The following PCDHGA7 variants were observed in gnomAD, a reference collection of about 807,000 sequenced individuals.
The protein encoded by PCDHGA7 is protocadherin gamma subfamily A, 7, also known as protocadherin gamma-A7.
A neutral mutation model predicts 58.3 loss-of-function variants in PCDHGA7; 44 were observed. The observed-to-expected ratio is 0.75, with a 90% confidence interval of 0.59 to 0.97. The LOEUF (loss-of-function observed/expected upper bound fraction) is 0.97, where lower values mean the gene tolerates loss of function less well. Among genes scored for constraint, PCDHGA7 ranks in the 50% least tolerant of loss-of-function variants. The pLI, the probability that PCDHGA7 is intolerant of heterozygous loss-of-function variation, is 0.00. For synonymous variants in PCDHGA7, 516 were observed against 504.2 expected (o/e 1.02, Z -0.31); for missense variants, 1,266 against 1,188.7 (o/e 1.06, Z -0.96).
rs756361613 is a variant in PCDHGA7 at position 141,392,855 on chromosome 5, C to G, written c.2424+7532C>G. 3.1e-6 allele frequency: 5 copies of G among 1,612,176 alleles called. No individual in the cohort carries two copies. The highest frequency in any genetic ancestry group is 3.3e-4 in the Middle Eastern group (2 of 6,050). Reference sequence around the variant, plus strand: ...GTCGCCCCAGACGCGGCGAGCTGATCCTGCTGTGCGCGCTGCTGGGAACGC... The same window carrying G: ...GTCGCCCCAGACGCGGCGAGCTGATGCTGCTGTGCGCGCTGCTGGGAACGC... On this transcript the variant is annotated intron_variant, in intron 1 of 3. Coordinates refer to ENST00000518325, the MANE Select transcript of PCDHGA7 (RefSeq NM_018920.4).
At chr5:141,472,980 C>CAAAAAAAAAAAAAAAAAAAAAAAA (rs60579131) in intron 1 of PCDHGA7, among the ~76,000 whole-genome samples, 7 of 86,078 alleles carry the variant, frequency 8.1e-5, no homozygotes, top group African/African-American at 1.9e-4. Context: ...GAGTGAAACT[C>CAAAAAAAAAAAAAAAAAAAAAAAA]AAAAAAAAAA....
At chr5:141,433,034 C>G (rs1357694242) in intron 1 of PCDHGA7, 2 of 1,614,184 alleles carry the variant, frequency 1.2e-6, no homozygotes, top group Non-Finnish European at 1.7e-6. Flanking sequence ...CGAGGTTTCC[C>G]TCACCACGGA....
Position 141,486,282 on chromosome 5 carries a change from C to G in PCDHGA7, c.2425-8525C>G. On this transcript the variant is annotated intron_variant, in intron 1 of 3. Transcript: ENST00000518325. This position sits in a 1 kb window ranked among gnomAD's most constrained non-coding sequence, Gnocchi z 5.0. ...AGTGCAGAACCTGGCACTGTGGTGG[C>G]ACTTATCAGTGTGCAGGATCCAGAC... The G allele has an allele frequency of 1.2e-6, 2 of 1,614,052 alleles. No homozygotes were observed. The highest frequency in any genetic ancestry group is 1.7e-6 in the Non-Finnish European group (2 of 1,179,992).
At chr5:141,421,955 T>A in intron 1 of PCDHGA7, 1 of 1,612,914 alleles carries the variant, frequency 6.2e-7, no homozygotes, top group South Asian at 1.1e-5. Context: ...ATCCCAATGT[T>A]TACACAGTCC....
At chr5:141,386,253 A>G (rs539545859) in intron 1 of PCDHGA7, among the ~76,000 whole-genome samples, 1 of 152,364 alleles carries the variant, frequency 6.6e-6, no homozygotes, top group Admixed American at 6.5e-5. Context: ...AAATAACCCA[A>G]TCTGGGATTA....
chr5:141,429,416 T>C (rs527999196), intron 1 of PCDHGA7, among the ~76,000 whole-genome samples: 1 of 152,230 alleles, frequency 6.6e-6, no homozygotes, highest in Admixed American at 6.5e-5. Flanking sequence ...GGTCTCATTA[T>C]GTTGCCCAGG....
intron 1 of PCDHGA7, chr5:141,428,440 G>A (rs890993546): frequency 1.0e-5 from 4 of 393,892 alleles, no homozygotes; most frequent in African/African-American, 8.2e-5. Flanking sequence ...GACTAGACCA[G>A]GGGTTTTTCC....
At chr5:141,506,231 A>G (rs1453468632) in intron 3 of PCDHGA7, among the ~76,000 whole-genome samples, 4 of 152,082 alleles carry the variant, frequency 2.6e-5, no homozygotes, top group African/African-American at 4.8e-5. Context: ...CAGGAGGATC[A>G]TGAGGTCAGG....
chr5:141,390,366 A>G, intron 1 of PCDHGA7: 1 of 1,524,656 alleles, frequency 6.6e-7, no homozygotes, highest in Non-Finnish European at 8.9e-7. Flanking sequence ...TTGCAGGAAA[A>G]TATATAATTT....
In PCDHGA7 at chr5:141,491,762, C is replaced by T. The variant is rs1162878124; in HGVS notation, c.2425-3045C>T. The T allele has an allele frequency of 6.4e-7, 1 of 1,572,596 alleles. No homozygotes were observed. The highest frequency in any genetic ancestry group is 1.4e-5 in the African/African-American group (1 of 73,308). ...GGCGGCACTGGAGAAGCCGCCCGTC[C>T]TCATAAGGGATTGAACTTGCATCCA... On this transcript the variant is annotated intron_variant, in intron 1 of 3. Transcript: ENST00000518325. The surrounding 1 kb of genome is among the most constrained non-coding windows in gnomAD (Gnocchi z 6.9).
At chr5:141,502,484 G>A (rs962659219) in intron 2 of PCDHGA7, among the ~76,000 whole-genome samples, 1 of 152,000 alleles carries the variant, frequency 6.6e-6, no homozygotes. Context: ...CATCACACTG[G>A]GACTCATCTA....
chr5:141,397,907 G>C, intron 1 of PCDHGA7: 1 of 663,426 alleles, frequency 1.5e-6, no homozygotes, highest in Non-Finnish European at 2.5e-6. Context: ...AGAGCTTGGC[G>C]CTCCAGATCT....
Position 141,385,102 on chromosome 5 carries a change from G to A in PCDHGA7, c.2203G>A (p.Val735Met), listed in dbSNP as rs370391349. The change falls in exon 1 of 4, where the codon GTG becomes ATG. Residue 735 changes from valine to methionine, a missense_variant. Physicochemically the swap from Val to Met is conservative, Grantham distance 21. Transcript: ENST00000518325. ...LQASEGGLAN[V>M]PTSHFVGMDG... ...GGCTTCAGAAGGTGGCTTGGCGAAC[G>A]TGCCCACCTCGCACTTTGTGGGCAT... 6 of 1,614,174 alleles carry A rather than the reference G, an allele frequency of 3.7e-6. No homozygotes were observed. The East Asian group carries it at 6.7e-5, about 18-fold the overall frequency.
intron 1 of PCDHGA7, chr5:141,393,882 T>G (rs1471060639): frequency 6.2e-7 from 1 of 1,614,028 alleles, no homozygotes; most frequent in South Asian, 1.1e-5. Flanking sequence ...TAGCCCAGTG[T>G]TAGAAAATTC....
intron 1 of PCDHGA7, among the ~76,000 whole-genome samples, chr5:141,454,222 T>C (rs1411974754): frequency 6.6e-6 from 1 of 152,118 alleles, no homozygotes; most frequent in African/African-American, 2.4e-5. Flanking sequence ...ATGAGAAAAG[T>C]AATTGTGATG....
chr5:141,424,023 A>G (rs1391381195), intron 1 of PCDHGA7: 1 of 1,047,166 alleles, frequency 9.5e-7, no homozygotes, highest in Non-Finnish European at 1.2e-6. Context: ...TGATTCACAA[A>G]CACTTTTTAT....
rs1242637725 is a variant in PCDHGA7 at position 141,432,619 on chromosome 5, T to G, written c.2424+47296T>G. 3.1e-6 allele frequency: 5 copies of G among 1,612,618 alleles called. No homozygotes were observed. The highest frequency in any genetic ancestry group is 1.7e-5 in the Admixed American group (1 of 59,934). On this transcript the variant is annotated intron_variant, in intron 1 of 3. Transcript: ENST00000518325. This position sits in a 1 kb window ranked among gnomAD's most constrained non-coding sequence, Gnocchi z 6.0. ...GCGAGCCGGGACTCTTCTCGGTGGG[T>G]CTGCACACGGGCGAGGTGCGCACGG... is the stretch of plus-strand genomic sequence containing the variant.
chr5:141,422,414 A>G (rs2096646645), intron 1 of PCDHGA7: 1 of 1,604,894 alleles, frequency 6.2e-7, no homozygotes, highest in Admixed American at 1.7e-5. Context: ...TTTAAATTAG[A>G]AAAGACTTAT....
chr5:141,462,792 G>C (rs2099046915), intron 1 of PCDHGA7, among the ~76,000 whole-genome samples: 1 of 152,080 alleles, frequency 6.6e-6, no homozygotes, highest in Admixed American at 6.6e-5. Flanking sequence ...TTGCTTATTT[G>C]CATGTCTAAT....
Sources: allele counts gnomAD v4.1 joint callset (sites outside exome capture counted in the v4.1 genomes callset), GRCh38; gene constraint gnomAD v4.1.1; non-coding constraint Gnocchi (gnomAD v3.1); transcripts MANE v1.5; gene names NCBI Gene and HGNC (gene_info 2026-07-23, HGNC 2026-07-21).